The following FSHR variants were observed in gnomAD, a reference collection of about 807,000 sequenced individuals.
FSHR encodes follicle stimulating hormone receptor.
A neutral mutation model predicts 52.1 loss-of-function variants in FSHR; 46 were observed. That is an observed-to-expected ratio of 0.88 (90% confidence interval 0.70 to 1.13). The LOEUF is 1.13. Ranked by LOEUF, FSHR falls within the 50% of genes most tolerant of loss-of-function variation. The pLI is 0.00. For synonymous variants in FSHR, 399 were observed against 309.6 expected (o/e 1.29, Z -3.03); for missense variants, 964 against 834.6 (o/e 1.16, Z -1.91).
Position 49,020,117 on chromosome 2 carries a change from C to T in FSHR, c.268G>A (p.Val90Met), listed in dbSNP as rs1305281509. The T allele has an allele frequency of 6.2e-7, 1 of 1,613,786 alleles. No homozygotes were observed. The highest frequency in any genetic ancestry group is 8.5e-7 in the Non-Finnish European group (1 of 1,179,730). Residue 90 changes from valine to methionine, a missense_variant, in exon 3 of 10, where the codon GTG becomes ATG. Physicochemically the swap from Val to Met is conservative, Grantham distance 21. Transcript: ENST00000406846. ...TGTAATTTGGGAAGGTTGGAGAACACATCTGCCTCTATCACCTCCAAGACA... is the reference window on the plus strand; with the variant it reads ...TGTAATTTGGGAAGGTTGGAGAACATATCTGCCTCTATCACCTCCAAGACA... ...NDVLEVIEADVFSNLPKLHEI... is the reference protein window; with the variant it reads ...NDVLEVIEADMFSNLPKLHEI...
intron 9 of FSHR, among the ~76,000 whole-genome samples, chr2:48,964,810 T>G (rs1674394942): frequency 6.6e-6 from 1 of 152,158 alleles, no homozygotes; most frequent in African/African-American, 2.4e-5. Flanking sequence ...ATAGAGGTAC[T>G]TACAGAGGGA....
chr2:49,122,044 A>G (rs1671834544), intron 1 of FSHR, among the ~76,000 whole-genome samples: 1 of 152,206 alleles, frequency 6.6e-6, no homozygotes, highest in Non-Finnish European at 1.5e-5. Flanking sequence ...CTCATAACTA[A>G]AGAATCAGAG....
chr2:49,127,661 T>A (rs1458806784), intron 1 of FSHR, among the ~76,000 whole-genome samples: 1 of 152,100 alleles, frequency 6.6e-6, no homozygotes, highest in Non-Finnish European at 1.5e-5. Flanking sequence ...ATCTTGCCAA[T>A]CCTGCCTCTG....
intron 1 of FSHR, among the ~76,000 whole-genome samples, chr2:49,104,261 C>A (rs1237994739): frequency 6.6e-6 from 1 of 152,148 alleles, no homozygotes; most frequent in Non-Finnish European, 1.5e-5. Context: ...TTAAAAGGCA[C>A]ACCTTGACTT....
chr2:49,052,885 T>A (rs1048825738), intron 2 of FSHR, among the ~76,000 whole-genome samples: 1 of 152,222 alleles, frequency 6.6e-6, no homozygotes, highest in Non-Finnish European at 1.5e-5. Context: ...CAGTTACAGT[T>A]CTGGTTACCT....
At chr2:49,010,407 A>T (rs1341983027) in intron 4 of FSHR, among the ~76,000 whole-genome samples, 1 of 151,870 alleles carries the variant, frequency 6.6e-6, no homozygotes, top group Non-Finnish European at 1.5e-5. Flanking sequence ...AAGCTTTTTG[A>T]TGTGTTGCTG....
chr2:49,092,274 C>G (rs756156770), intron 1 of FSHR, among the ~76,000 whole-genome samples: 2 of 151,938 alleles, frequency 1.3e-5, no homozygotes, highest in Non-Finnish European at 1.5e-5. Flanking sequence ...TTTTGGAGAC[C>G]CATTGCGTGG....
chr2:48,963,229 A>G lies in FSHR; in HGVS notation c.1592T>C (p.Val531Ala). The G allele has an allele frequency of 6.2e-7, 1 of 1,614,190 alleles. No individual in the cohort carries two copies. Among genetic ancestry groups the G allele is most frequent in the Non-Finnish European group, 8.5e-7 (1 of 1,180,030 alleles). The change falls in exon 10 of 10, where the codon GTC (valine) becomes GCC (alanine). Residue 531 changes from valine to alanine, a missense_variant. Physicochemically the swap from Val to Ala is moderately conservative, Grantham distance 64. Coordinates refer to ENST00000406846, the MANE Select transcript of FSHR (RefSeq NM_000145.4). ...DIDSPLSQLY[V>A]MSLLVLNVLA... Reference sequence around the variant, plus strand: ...GACATTGAGCACAAGGAGGGACATGACATACAGCTGTGACAAAGGGCTGTC... The same window carrying G: ...GACATTGAGCACAAGGAGGGACATGGCATACAGCTGTGACAAAGGGCTGTC...
chr2:49,087,200 T>A (rs935335226), intron 1 of FSHR, among the ~76,000 whole-genome samples: 1 of 150,948 alleles, frequency 6.6e-6, no homozygotes, highest in Non-Finnish European at 1.5e-5. Context: ...CCATTGGAGA[T>A]CCTCTTCTTT....
chr2:49,104,484 T>C (rs1671154231), intron 1 of FSHR, among the ~76,000 whole-genome samples: 1 of 152,150 alleles, frequency 6.6e-6, no homozygotes, highest in Non-Finnish European at 1.5e-5. Context: ...ATCAAGGCTT[T>C]TCTTTTAGAT....
intron 1 of FSHR, among the ~76,000 whole-genome samples, chr2:49,115,039 A>T (rs1351289881): frequency 2.0e-5 from 3 of 151,104 alleles, no homozygotes. Context: ...ATCCAATGAA[A>T]GCCCAGTTGT....
rs555470542 is a variant in FSHR at position 49,144,211 on chromosome 2, A to G, written c.152+10055T>C. Among the ~76,000 whole-genome samples the G allele has an allele frequency of 5.8e-4, 89 of 152,292 alleles. 1 individual carries two copies. The highest frequency in any genetic ancestry group is 2.1e-3 in the African/African-American group (89 of 41,578). ...CCAGGAAATTCAACCAGCCCAAGTC[A>G]AGACATAAAGATTCTGATGCAGCAA... On this transcript the variant is annotated intron_variant, in intron 1 of 9. Transcript: ENST00000406846.
chr2:49,048,049 A>AT (rs1043242494), intron 2 of FSHR, among the ~76,000 whole-genome samples: 1 of 151,590 alleles, frequency 6.6e-6, no homozygotes, highest in Admixed American at 6.6e-5. Flanking sequence ...CAGCTATTTT[A>AT]TTTTTTCTGA....
intron 2 of FSHR, among the ~76,000 whole-genome samples, chr2:49,023,511 T>TCTATGA (rs1232895209): frequency 1.3e-5 from 2 of 152,336 alleles, no homozygotes; most frequent in Admixed American, 1.3e-4. Context: ...GCCTAGCTTG[T>TCTATGA]CTATGACTTA....
chr2:48,967,982 T>C (rs903538747), intron 9 of FSHR, among the ~76,000 whole-genome samples: 26 of 152,210 alleles, frequency 1.7e-4, no homozygotes, highest in African/African-American at 6.0e-4. Flanking sequence ...AGTAAGTTCT[T>C]ACCTCCAATG....
intron 2 of FSHR, among the ~76,000 whole-genome samples, chr2:49,029,994 T>C (rs950251461): frequency 7.9e-5 from 12 of 152,228 alleles, no homozygotes; most frequent in African/African-American, 2.2e-4. Context: ...CGGGGCTCCA[T>C]GCCGCATCCT....
intron 1 of FSHR, among the ~76,000 whole-genome samples, chr2:49,095,826 G>A (rs11688474): frequency 0.14 from 21,602 of 152,026 alleles, 1,579 homozygotes; most frequent in East Asian, 0.23. Context: ...TATTTCTCCA[G>A]TAAAGATATA....
intron 8 of FSHR, among the ~76,000 whole-genome samples, chr2:48,976,263 G>T (rs1674983500): frequency 6.6e-6 from 1 of 152,116 alleles, no homozygotes; most frequent in Non-Finnish European, 1.5e-5. Context: ...TTTGTCATTG[G>T]TTCTGTTTAT....
chr2:49,089,823 G>A (rs1380775357), intron 1 of FSHR, among the ~76,000 whole-genome samples: 1 of 152,138 alleles, frequency 6.6e-6, no homozygotes, highest in Non-Finnish European at 1.5e-5. Context: ...AAAAATGATA[G>A]TGGAGAGCTG....
Sources: allele counts gnomAD v4.1 joint callset (sites outside exome capture counted in the v4.1 genomes callset), GRCh38; gene constraint gnomAD v4.1.1; transcripts MANE v1.5; gene names NCBI Gene and HGNC (gene_info 2026-07-23, HGNC 2026-07-21).